Variants in SPIN1 observed in about 807,000 individuals in gnomAD.
SPIN1 encodes the protein spindlin-1.
SPIN1 carries 3 observed loss-of-function variants against 26.0 expected under a neutral mutation model. The ratio of observed to expected loss-of-function variants is 0.12; its 90% confidence interval spans 0.05 to 0.30. The LOEUF is 0.30. SPIN1 is among the 10% of genes least tolerant of loss of function. The pLI is 1.00. For synonymous variants in SPIN1, 101 were observed against 116.5 expected, an observed-to-expected ratio of 0.87 and a Z score of 0.86; for missense variants, 126 against 333.4, an observed-to-expected ratio of 0.38 and a Z score of 4.84.
At chr9:88,452,159 A>G (rs1051632819) in intron 3 of SPIN1, among the ~76,000 whole-genome samples, 2 of 151,864 alleles carry the variant, frequency 1.3e-5, no homozygotes, top group Non-Finnish European at 2.9e-5. Flanking sequence ...GTGTCGTTGT[A>G]CTCCTCCTTG....
At chr9:88,407,453 A>G (rs1170476282) in intron 1 of SPIN1, among the ~76,000 whole-genome samples, 1 of 151,172 alleles carries the variant, frequency 6.6e-6, no homozygotes, top group Non-Finnish European at 1.5e-5. Context: ...TTCCTTTTTG[A>G]AGGATACTTC....
At chr9:88,433,901 G>T (rs1184211387) in intron 2 of SPIN1, among the ~76,000 whole-genome samples, 6 of 146,124 alleles carry the variant, frequency 4.1e-5, no homozygotes, top group African/African-American at 1.0e-4. Context: ...CCAGTTTTTT[G>T]TTTTTTTTTT....
rs555773713 is a variant in SPIN1 at position 88,411,259 on chromosome 9, C to T, written c.-158-15123C>T. 5.6e-5 allele frequency: 64 copies of T among 1,144,490 alleles called. No homozygotes were observed. In the East Asian group the frequency reaches 1.3e-3, roughly 23 times the overall value. 70.9% of individuals were successfully genotyped at this position (1,144,490 alleles called of 1,614,324 possible). ...GTGGCCTTGCATTCATGGCTGCATC[C>T]TCCACCTCCACAGTGGCATATGTGA... On this transcript the variant is annotated intron_variant, in intron 1 of 5. Transcript: ENST00000375859.
At chr9:88,435,283 A>G (rs1026894246) in intron 2 of SPIN1, among the ~76,000 whole-genome samples, 31 of 151,190 alleles carry the variant, frequency 2.1e-4, no homozygotes, top group African/African-American at 7.5e-4. Context: ...TGGCACGATC[A>G]TGGTTCACTG....
At chr9:88,448,906 G>C in intron 2 of SPIN1, 35 bp from the exon 3 acceptor site, 1 of 1,604,900 alleles carries the variant, frequency 6.2e-7, no homozygotes. Flanking sequence ...TCTTTTATCT[G>C]GTTTTCATTG....
At chr9:88,395,064 T>C (rs963636838) in intron 1 of SPIN1, among the ~76,000 whole-genome samples, 1 of 152,020 alleles carries the variant, frequency 6.6e-6, no homozygotes, top group Non-Finnish European at 1.5e-5. Flanking sequence ...CGCCTCGGCC[T>C]GCCAAAGTGC....
intron 1 of SPIN1, among the ~76,000 whole-genome samples, chr9:88,405,297 C>T (rs1425772097): frequency 4.6e-5 from 7 of 151,868 alleles, no homozygotes; most frequent in Non-Finnish European, 8.8e-5. Context: ...GGCAGGATCT[C>T]GGCTCACTGC....
chr9:88,462,841 T>C, intron 4 of SPIN1, 92 bp downstream of exon 4: 1 of 1,361,982 alleles, frequency 7.3e-7, no homozygotes, highest in Non-Finnish European at 9.9e-7. Context: ...TACTTCACTT[T>C]TATTGGAACA....
intron 1 of SPIN1, among the ~76,000 whole-genome samples, chr9:88,393,645 G>A (rs1826984901): frequency 6.6e-6 from 1 of 151,362 alleles, no homozygotes; most frequent in Non-Finnish European, 1.5e-5. Context: ...TAGTAGAGAC[G>A]GGGGTTTCAT....
chr9:88,412,413 T>C (rs1425357751), intron 1 of SPIN1, among the ~76,000 whole-genome samples: 2 of 152,188 alleles, frequency 1.3e-5, no homozygotes, highest in African/African-American at 4.8e-5. Flanking sequence ...ACCAGTCCAT[T>C]GTTCCCAAGA....
intron 2 of SPIN1, among the ~76,000 whole-genome samples, chr9:88,432,629 G>A (rs1203683139): frequency 2.6e-5 from 4 of 151,244 alleles, no homozygotes; most frequent in Admixed American, 1.3e-4. Flanking sequence ...GATTACAGGC[G>A]CATGCCACCA....
At chr9:88,445,954 T>G (rs1391614496) in intron 2 of SPIN1, among the ~76,000 whole-genome samples, 2 of 152,132 alleles carry the variant, frequency 1.3e-5, no homozygotes, top group Non-Finnish European at 2.9e-5. Flanking sequence ...TAAGGTTGGT[T>G]GTTCGGGTCT....
At chr9:88,399,265 C>T (rs924493991) in intron 1 of SPIN1, among the ~76,000 whole-genome samples, 14 of 152,224 alleles carry the variant, frequency 9.2e-5, no homozygotes, top group African/African-American at 3.1e-4. Flanking sequence ...AACTCCTGAC[C>T]TCGTGATCCA....
chr9:88,472,729 G>A, intron 5 of SPIN1, among the ~76,000 whole-genome samples: 1 of 152,194 alleles, frequency 6.6e-6, no homozygotes, highest in East Asian at 1.9e-4. Flanking sequence ...CTGACCTTGT[G>A]TCTCTCACCT....
At chr9:88,474,550 T>A (rs1038925971) in intron 5 of SPIN1, among the ~76,000 whole-genome samples, 1 of 152,184 alleles carries the variant, frequency 6.6e-6, no homozygotes, top group Non-Finnish European at 1.5e-5. Context: ...GGAAGAAGCT[T>A]TAAGGATTCA....
At chr9:88,433,111 G>A (rs958489060) in intron 2 of SPIN1, among the ~76,000 whole-genome samples, 1 of 151,218 alleles carries the variant, frequency 6.6e-6, no homozygotes, top group Non-Finnish European at 1.5e-5. Context: ...ATAGGGTCTC[G>A]CCGTGTCACC....
intron 1 of SPIN1, among the ~76,000 whole-genome samples, chr9:88,417,423 C>T (rs1308489836): frequency 6.6e-6 from 1 of 152,054 alleles, no homozygotes; most frequent in Non-Finnish European, 1.5e-5. Flanking sequence ...ACAAGACTGC[C>T]CCCATTTCTC....
At chr9:88,431,451 C>T (rs547848494) in intron 2 of SPIN1, among the ~76,000 whole-genome samples, 24 of 151,606 alleles carry the variant, frequency 1.6e-4, no homozygotes, top group Admixed American at 6.6e-4. Flanking sequence ...CCACCACGCC[C>T]GGCCAATTTT....
intron 2 of SPIN1, among the ~76,000 whole-genome samples, chr9:88,431,494 T>TG (rs1827870037): frequency 6.6e-6 from 1 of 151,742 alleles, no homozygotes; most frequent in Admixed American, 6.6e-5. Flanking sequence ...TTCTCCATGT[T>TG]GGTCAGGCTG....
Sources: allele counts gnomAD v4.1 joint callset (sites outside exome capture counted in the v4.1 genomes callset), GRCh38; gene constraint gnomAD v4.1.1; transcripts MANE v1.5; gene names NCBI Gene and HGNC (gene_info 2026-07-23, HGNC 2026-07-21).